Variants in ERICH5 observed in about 807,000 individuals in gnomAD.
ERICH5 encodes glutamate-rich protein 5.
A neutral mutation model predicts 28.0 loss-of-function variants in ERICH5; 24 were observed. The observed-to-expected ratio is 0.86, with a 90% CI of 0.62 to 1.21. The LOEUF (loss-of-function observed/expected upper bound fraction) is 1.21, where lower values mean the gene tolerates loss of function less well. Ranked by LOEUF, ERICH5 falls within the 50% of genes most tolerant of loss-of-function variation. ERICH5 has a pLI of 0.00. For synonymous variants in ERICH5, 163 were observed against 157.6 expected (o/e 1.03, Z -0.25); for missense variants, 421 against 441.2 (o/e 0.95, Z 0.41).
intron 1 of ERICH5, among the ~76,000 whole-genome samples, chr8:98,078,456 C>T (rs926304467): frequency 3.9e-5 from 6 of 152,100 alleles, no homozygotes; most frequent in Admixed American, 3.9e-4. Context: ...GCAGACAGGC[C>T]AGTGAAGTCT....
At chr8:98,078,339 T>C (rs954906023) in intron 1 of ERICH5, among the ~76,000 whole-genome samples, 2 of 152,198 alleles carry the variant, frequency 1.3e-5, no homozygotes, top group Non-Finnish European at 2.9e-5. Flanking sequence ...GGTTGACTCG[T>C]GCTACATTCT....
rs1815343280 is a variant in ERICH5 at position 98,089,509 on chromosome 8, A to G, written c.492A>G (p.Ala164=). The change falls in exon 2 of 3, where the codon GCA becomes GCG. Residue 164 remains alanine, a synonymous_variant. Transcript: ENST00000318528. ...CCAAGGGTCAGCCTTTGCAGGCAGC[A>G]GTAGAGAAGGACTCTCTCAGAGCAG... The part of the protein sequence containing the change: ...PEAKGQPLQA[A]VEKDSLRAVE... The G allele has an allele frequency of 1.9e-6, 3 of 1,614,200 alleles. No individual in the cohort carries two copies. The highest frequency in any genetic ancestry group is 2.5e-6 in the Non-Finnish European group (3 of 1,180,034).
At chr8:98,066,493 A>G (rs1313750241) in intron 1 of ERICH5, among the ~76,000 whole-genome samples, 1 of 152,240 alleles carries the variant, frequency 6.6e-6, no homozygotes, top group Non-Finnish European at 1.5e-5. Flanking sequence ...ATCCTCTCAG[A>G]AAATAATGAA....
chr8:98,088,546 G>T (rs1482193171), intron 1 of ERICH5, among the ~76,000 whole-genome samples: 37 of 152,088 alleles, frequency 2.4e-4, no homozygotes. Flanking sequence ...TACCTATTAG[G>T]GCTTCTCTGC....
intron 1 of ERICH5, among the ~76,000 whole-genome samples, chr8:98,067,133 G>A (rs1814832571): frequency 6.6e-6 from 1 of 151,966 alleles, no homozygotes; most frequent in African/African-American, 2.4e-5. Flanking sequence ...ATCAGAGCTG[G>A]GCTTTGAACT....
At chr8:98,067,556 G>A (rs1283376538) in intron 1 of ERICH5, among the ~76,000 whole-genome samples, 2 of 151,484 alleles carry the variant, frequency 1.3e-5, no homozygotes, top group Admixed American at 1.3e-4. Flanking sequence ...TTAGGTGTGT[G>A]GTCACCCACT....
At chr8:98,088,353 C>T (rs1412139394) in intron 1 of ERICH5, among the ~76,000 whole-genome samples, 1 of 152,200 alleles carries the variant, frequency 6.6e-6, no homozygotes, top group African/African-American at 2.4e-5. Flanking sequence ...AGATTCACTG[C>T]TGTTTTAGAG....
At chr8:98,093,061 C>T (rs116015601) in intron 2 of ERICH5, among the ~76,000 whole-genome samples, 160 bp from the exon 3 acceptor site, 186 of 152,276 alleles carry the variant, frequency 1.2e-3, no homozygotes, top group African/African-American at 4.4e-3. Flanking sequence ...GTGTTAGCCA[C>T]GGTGCCCAGC....
chr8:98,089,986 G>A lies in ERICH5; in HGVS notation c.969G>A (p.Met323Ile). ...TAGAGGCAGGAGCATATGTGGAAATGATCAGGAACATCCATACTAATGAAG... is the reference window on the plus strand; with the variant it reads ...TAGAGGCAGGAGCATATGTGGAAATAATCAGGAACATCCATACTAATGAAG... ...RNVEAGAYVEMIRNIHTNEED... is the reference protein window; with the variant it reads ...RNVEAGAYVEIIRNIHTNEED... The change falls in exon 2 of 3, where the codon ATG becomes ATA. Residue 323 changes from methionine to isoleucine, a missense_variant. Physicochemically the swap from Met to Ile is conservative, Grantham distance 10 (BLOSUM62 1). Coordinates refer to ENST00000318528, the MANE Select transcript of ERICH5 (RefSeq NM_173549.3). The A allele has an allele frequency of 1.2e-6, 2 of 1,613,814 alleles. No individual in the cohort carries two copies. Among genetic ancestry groups the A allele is most frequent in the South Asian group, 1.1e-5 (1 of 90,964 alleles).
At chr8:98,075,785 C>CTTTTTTTTTTTTTTTTTTTTTT (rs1296283210) in intron 1 of ERICH5, among the ~76,000 whole-genome samples, 9 of 81,646 alleles carry the variant, frequency 1.1e-4, no homozygotes, top group African/African-American at 3.2e-4. Flanking sequence ...GCACACCTGC[C>CTTTTTTTTTTTTTTTTTTTTTT]TTTTTTTTTT....
chr8:98,080,089 C>A (rs1398326692), intron 1 of ERICH5, among the ~76,000 whole-genome samples: 1 of 152,220 alleles, frequency 6.6e-6, no homozygotes, highest in Non-Finnish European at 1.5e-5. Context: ...CTTGCAGATG[C>A]ACCAAGGCTG....
chr8:98,074,111 C>T (rs1048461271), intron 1 of ERICH5, among the ~76,000 whole-genome samples: 4 of 151,420 alleles, frequency 2.6e-5, no homozygotes, highest in East Asian at 1.9e-4. Flanking sequence ...TGCCCAACCT[C>T]GTCCCTAATT....
At chr8:98,083,006 C>T (rs905198474) in intron 1 of ERICH5, among the ~76,000 whole-genome samples, 1 of 152,170 alleles carries the variant, frequency 6.6e-6, no homozygotes, top group Non-Finnish European at 1.5e-5. Flanking sequence ...CTCAAACTTT[C>T]GCAAAGCTTT....
intron 1 of ERICH5, among the ~76,000 whole-genome samples, chr8:98,087,068 C>A (rs112663020): frequency 0.013 from 1,956 of 151,918 alleles, 39 homozygotes; most frequent in African/African-American, 0.044. Flanking sequence ...TTGAGACGGG[C>A]GTGGTGGCTT....
chr8:98,089,162 A>G lies in ERICH5; in HGVS notation c.145A>G (p.Thr49Ala), dbSNP rs749858857. ...GCCACATGCACTGGGAAGAGAATCT[A>G]CTGTTGATGGCAATGTACAAAGGGA... ...PKPHALGRES[T>A]VDGNVQRESR... The change falls in exon 2 of 3, where the codon ACT becomes GCT. Residue 49 changes from threonine to alanine, a missense_variant. Physicochemically the swap from Thr to Ala is moderately conservative, Grantham distance 58. Coordinates refer to ENST00000318528, the MANE Select transcript of ERICH5 (RefSeq NM_173549.3). 1 of 1,614,114 alleles carries G rather than the reference A, an allele frequency of 6.2e-7. No homozygotes were observed. The highest frequency in any genetic ancestry group is 1.3e-5 in the African/African-American group (1 of 74,926).
At chr8:98,079,112 G>A (rs575212589) in intron 1 of ERICH5, among the ~76,000 whole-genome samples, 47 of 150,156 alleles carry the variant, frequency 3.1e-4, no homozygotes, top group African/African-American at 1.1e-3. Flanking sequence ...GAATTTCCCC[G>A]AAGACAGTAA....
chr8:98,092,025 T>TCCTTCCTTCCTTCCTTCC (rs58823485), intron 2 of ERICH5, among the ~76,000 whole-genome samples: 53 of 146,314 alleles, frequency 3.6e-4, no homozygotes, highest in East Asian at 9.9e-4. Context: ...CTTCCTTCCT[T>TCCTTCCTTCCTTCCTTCC]TCGAGACAAG....
At chr8:98,069,122 A>G (rs115616514) in intron 1 of ERICH5, among the ~76,000 whole-genome samples, 2,603 of 152,366 alleles carry the variant, frequency 0.017, 70 homozygotes, top group African/African-American at 0.059. Flanking sequence ...TAGAAATTAT[A>G]TAAATGGGAT....
chr8:98,084,053 A>AT (rs11298792), intron 1 of ERICH5, among the ~76,000 whole-genome samples: 1,979 of 139,558 alleles, frequency 0.014, 43 homozygotes, highest in African/African-American at 0.045. Context: ...GCTAATTTTA[A>AT]TTTTTTTTTT....
Sources: allele counts gnomAD v4.1 joint callset (sites outside exome capture counted in the v4.1 genomes callset), GRCh38; gene constraint gnomAD v4.1.1; transcripts MANE v1.5; gene names NCBI Gene and HGNC (gene_info 2026-07-23, HGNC 2026-07-21).